CLUL1: variants seen among roughly 807,000 people sequenced by gnomAD.
CLUL1 encodes clusterin-like protein 1.
CLUL1 carries 43 observed loss-of-function variants against 49.4 expected under a neutral mutation model. The ratio of observed to expected loss-of-function variants is 0.87; its 90% CI spans 0.68 to 1.12. CLUL1 has a LOEUF of 1.12. Among genes scored for constraint, CLUL1 ranks in the 50% most tolerant of loss-of-function variants. CLUL1 has a pLI of 0.00. For synonymous variants in CLUL1, 192 were observed against 184.9 expected, an observed-to-expected ratio of 1.04 and a Z score of -0.31; for missense variants, 486 against 544.4, an observed-to-expected ratio of 0.89 and a Z score of 1.07.
At chr18:598,491 A>G in intron 1 of CLUL1, 2 of 398,518 alleles carry the variant, frequency 5.0e-6, no homozygotes, top group Non-Finnish European at 8.8e-6. Context: ...CCTCTCTAAC[A>G]TCCTCTAGGC....
chr18:629,600 A>T (rs906416163), intron 6 of CLUL1, among the ~76,000 whole-genome samples: 4 of 152,172 alleles, frequency 2.6e-5, no homozygotes, highest in African/African-American at 9.7e-5. Flanking sequence ...CCCTACTCTC[A>T]GCTGCCTCAC....
intron 9 of CLUL1, among the ~76,000 whole-genome samples, chr18:646,497 GACACAC>G (rs56076402): frequency 0.045 from 6,325 of 141,330 alleles, 186 homozygotes; most frequent in Admixed American, 0.069. Context: ...CAGATAGATA[GACACAC>G]ACACACACAC....
chr18:620,571 T>C (rs1337478734), intron 4 of CLUL1, among the ~76,000 whole-genome samples: 1 of 152,214 alleles, frequency 6.6e-6, no homozygotes, highest in Non-Finnish European at 1.5e-5. Flanking sequence ...GGTCATCACA[T>C]ACAGTTGGGC....
intron 6 of CLUL1, 86 bp downstream of exon 6, chr18:627,615 T>A: frequency 1.1e-6 from 1 of 918,862 alleles, no homozygotes; most frequent in Non-Finnish European, 1.6e-6. Flanking sequence ...CATTTCTGAG[T>A]CACATTGTAT....
rs774552721 is a variant in CLUL1 at position 597,032 on chromosome 18, C to G, written c.-233C>G. ...CCCGGGCCGCGGGGTTGGTTTCCAC[C>G]CTGGAGGTTGCTGACACCCTGTGCC... is the stretch of plus-strand genomic sequence containing the variant. On this transcript the variant is annotated 5_prime_UTR_variant, in exon 1 of 10. Coordinates refer to ENST00000692774, the MANE Select transcript of CLUL1 (RefSeq NM_001393344.1). 2 of 152,746 alleles carry G rather than the reference C, an allele frequency of 1.3e-5. No individual in the cohort carries two copies. The highest frequency in any genetic ancestry group is 2.9e-5 in the Non-Finnish European group (2 of 68,146). The allele number at this position is 152,746 out of a possible 1,614,324, so 9.5% of individuals were successfully genotyped here. A position where few individuals can be genotyped will look rare whatever the true frequency, so the allele number is the denominator to read the frequency against.
In CLUL1 at chr18:619,368, T is replaced by A; in HGVS notation, c.255+7T>A. 6.2e-7 allele frequency: 1 copy of A among 1,608,652 alleles called. No individual in the cohort carries two copies. The highest frequency in any genetic ancestry group is 2.2e-5 in the East Asian group (1 of 44,774). ...ATGCAGAGAAGAAAAGCAGGTACAG[T>A]CATTGAAAATAATGTCTGTTCTTAC... On this transcript the variant is annotated splice_region_variant and intron_variant, in intron 4 of 9. Transcript: ENST00000692774.
intron 6 of CLUL1, among the ~76,000 whole-genome samples, chr18:628,989 T>C (rs1212221035): frequency 1.3e-5 from 2 of 152,210 alleles, no homozygotes; most frequent in African/African-American, 4.8e-5. Flanking sequence ...TTTTCAATTA[T>C]ATTAGCTGTA....
intron 1 of CLUL1, among the ~76,000 whole-genome samples, chr18:604,993 C>T (rs2072932928): frequency 6.6e-6 from 1 of 152,242 alleles, no homozygotes; most frequent in Admixed American, 6.5e-5. Flanking sequence ...GTTCCCTTAT[C>T]TGCACAAAAC....
intron 7 of CLUL1, among the ~76,000 whole-genome samples, chr18:639,155 G>A (rs536301476): frequency 3.3e-5 from 5 of 152,182 alleles, no homozygotes; most frequent in African/African-American, 1.2e-4. Context: ...AGCCGGGTGT[G>A]GTGGCTCATG....
chr18:626,896 AAAG>A (rs2073753379), intron 5 of CLUL1, among the ~76,000 whole-genome samples, 198 bp from the exon 6 acceptor site: 1 of 470 alleles, frequency 2.1e-3, no homozygotes, highest in African/African-American at 2.3e-3. Flanking sequence ...AGAAAGAAAG[AAAG>A]AAAGAAAGAA....
rs1487915661 is a variant in CLUL1 at position 618,006 on chromosome 18, G to A, written c.6G>A (p.Lys2=). M[K]PPLLVFIVCL... Reference sequence around the variant, plus strand: ...TTTGCAGTAACAGCGGGAACATGAAGCCGCCACTCTTGGTGTTTATTGTGT... The same window carrying A: ...TTTGCAGTAACAGCGGGAACATGAAACCGCCACTCTTGGTGTTTATTGTGT... Residue 2 remains lysine (K), a synonymous_variant, in exon 3 of 10, where the codon AAG becomes AAA. Coordinates refer to ENST00000692774, the MANE Select transcript of CLUL1 (RefSeq NM_001393344.1). The surrounding 1 kb of genome is among the most constrained non-coding windows in gnomAD (Gnocchi z 4.2). 1.2e-6 allele frequency: 2 copies of A among 1,614,034 alleles called. No homozygotes were observed. The highest frequency in any genetic ancestry group is 1.1e-5 in the South Asian group (1 of 91,056).
chr18:646,315 T>C (rs2144212438), intron 9 of CLUL1, among the ~76,000 whole-genome samples: 1 of 152,062 alleles, frequency 6.6e-6, no homozygotes, highest in East Asian at 1.9e-4. Context: ...CCTCTCCCTT[T>C]ACTTCTGAAT....
chr18:599,141 G>A (rs1053894452), intron 1 of CLUL1, among the ~76,000 whole-genome samples: 34 of 152,270 alleles, frequency 2.2e-4, no homozygotes, highest in African/African-American at 7.9e-4. Context: ...AAAATAAAAT[G>A]AAATTACATA....
intron 6 of CLUL1, among the ~76,000 whole-genome samples, chr18:630,183 A>T (rs2073950544): frequency 6.6e-6 from 1 of 152,142 alleles, no homozygotes; most frequent in African/African-American, 2.4e-5. Flanking sequence ...ATCTTGGCTC[A>T]CTGCAACCTC....
At chr18:600,324 G>A (rs149108202) in intron 1 of CLUL1, among the ~76,000 whole-genome samples, 1 of 152,268 alleles carries the variant, frequency 6.6e-6, no homozygotes, top group East Asian at 1.9e-4. Flanking sequence ...GAGTTTATCT[G>A]GCTCAAGACC....
chr18:644,348 A>G (rs1031392942), intron 8 of CLUL1, among the ~76,000 whole-genome samples: 1 of 152,262 alleles, frequency 6.6e-6, no homozygotes, highest in Non-Finnish European at 1.5e-5. Context: ...TAAGAGTAAC[A>G]TAAATTTTGC....
intron 5 of CLUL1, 114 bp downstream of exon 5, chr18:625,146 C>A (rs1384659448): frequency 3.9e-6 from 4 of 1,036,626 alleles, no homozygotes; most frequent in Non-Finnish European, 5.5e-6. Context: ...TGATAGGGGC[C>A]TTTTGCTTTC....
At chr18:613,993 GAGTAACAGCTGGA>G (rs2073218362) in intron 2 of CLUL1, among the ~76,000 whole-genome samples, 1 of 152,208 alleles carries the variant, frequency 6.6e-6, no homozygotes, top group South Asian at 2.1e-4. Flanking sequence ...TCAGAGCTGG[GAGTAACAGCTGGA>G]AATATTTCTT....
At chr18:608,055 T>C (rs1038116131) in intron 2 of CLUL1, among the ~76,000 whole-genome samples, 5 of 152,182 alleles carry the variant, frequency 3.3e-5, no homozygotes, top group African/African-American at 1.2e-4. Flanking sequence ...AAAGCATTAG[T>C]GACCATCAGG....
Sources: allele counts gnomAD v4.1 joint callset (sites outside exome capture counted in the v4.1 genomes callset), GRCh38; gene constraint gnomAD v4.1.1; non-coding constraint Gnocchi (gnomAD v3.1); transcripts MANE v1.5; gene names NCBI Gene and HGNC (gene_info 2026-07-23, HGNC 2026-07-21).